The following TLE2 variants were observed in gnomAD, a reference collection of about 807,000 sequenced individuals.
TLE2 encodes the protein transducin-like enhancer protein 2.
In TLE2, 74 loss-of-function variants were observed where a neutral mutation model predicts 97.2. That is an observed-to-expected ratio of 0.76 (90% CI 0.63 to 0.92). TLE2 has a LOEUF of 0.92. TLE2 is among the 40% of genes least tolerant of loss of function. TLE2 has a pLI of 0.00. For synonymous variants in TLE2, 499 were observed against 432.1 expected (o/e 1.15, Z -1.92); for missense variants, 1,038 against 1,008.7 (o/e 1.03, Z -0.39).
At chr19:3,035,591 C>G (rs766649751) in intron 1 of TLE2, among the ~76,000 whole-genome samples, 3 of 152,028 alleles carry the variant, frequency 2.0e-5, no homozygotes, top group Non-Finnish European at 4.4e-5. Context: ...ATTGCTCAGA[C>G]CACCTTAAAT....
At chr19:3,046,896 G>A (rs1305438892), upstream of TLE2, among the ~76,000 whole-genome samples, 2 of 138,844 alleles carry the variant, frequency 1.4e-5, no homozygotes, top group Admixed American at 7.0e-5. Flanking sequence ...GCATCGCTGT[G>A]CCTCCCCCTC....
chr19:3,028,189 A>G lies in TLE2; in HGVS notation c.186+130T>C, dbSNP rs1270153897. 9 of 1,032,766 alleles carry G rather than the reference A, an allele frequency of 8.7e-6. No homozygotes were observed. In the East Asian group the frequency reaches 2.1e-4, roughly 24 times the overall value. The allele number at this position is 1,032,766 out of a possible 1,614,324, so 64.0% of individuals were successfully genotyped here. The stretch of plus-strand genomic sequence containing the variant: ...GGAGGACCCTCCTAGAGAGCCTGAA[A>G]TCCCAACCTGCCCAATGTACAGACG... On this transcript the variant is annotated intron_variant, in intron 3 of 19. Coordinates refer to ENST00000262953, the MANE Select transcript of TLE2 (RefSeq NM_003260.5).
rs2089456858 is a variant in TLE2, at chr19:3,005,601, C to T, written c.1749-17G>A. On this transcript the variant is annotated splice_polypyrimidine_tract_variant and intron_variant, in intron 16 of 19. Transcript: ENST00000262953. Reference sequence around the variant, plus strand: ...TGGAACTGCCTGGAGGGAGAAGGGCCCAGGCGTCCATCCTGGAATTCGAGC... The same window carrying T: ...TGGAACTGCCTGGAGGGAGAAGGGCTCAGGCGTCCATCCTGGAATTCGAGC... The T allele has an allele frequency of 1.2e-6, 2 of 1,612,474 alleles. No individual in the cohort carries two copies. Among genetic ancestry groups the T allele is most frequent in the Non-Finnish European group, 1.7e-6 (2 of 1,179,276 alleles).
rs769043492 is a variant in TLE2, at chr19:2,997,743, T to C, written c.*105A>G. 1.1e-4 allele frequency: 85 copies of C among 795,270 alleles called. No homozygotes were observed. The African/African-American group carries it at 1.3e-3, about 12-fold the overall frequency. The allele number at this position is 795,270 out of a possible 1,614,324, so 49.3% of individuals were successfully genotyped here. On this transcript the variant is annotated 3_prime_UTR_variant, in exon 20 of 20. Coordinates refer to ENST00000262953, the MANE Select transcript of TLE2 (RefSeq NM_003260.5). ...GCCGTTGGCCAGAGAGCAGATGGGA[T>C]GTACGGTTCCTAGGCAGGGCTGGGA...
chr19:3,000,841 T>TC (rs1555689162), intron 18 of TLE2, 118 bp from the exon 19 acceptor site: 292 of 687,738 alleles, frequency 4.2e-4, no homozygotes, highest in African/African-American at 4.1e-3. Context: ...TTTTTTTTTT[T>TC]CCAAGAAAGG....
Position 3,000,556 on chromosome 19 carries a change from G to C in TLE2, c.2124+91C>G, listed in dbSNP as rs960689374. 5 of 1,210,804 alleles carry C rather than the reference G, an allele frequency of 4.1e-6. No homozygotes were observed. In the African/African-American group the frequency reaches 7.5e-5, roughly 18 times the overall value. The allele number at this position is 1,210,804 out of a possible 1,614,324, so 75.0% of individuals were successfully genotyped here. ...GGGGTTAGGGTGGCGGGGGGACCTGGGGGACAGGGACAGGGGCAATCTCTC... is the reference window on the plus strand; with the variant it reads ...GGGGTTAGGGTGGCGGGGGGACCTGCGGGACAGGGACAGGGGCAATCTCTC... On this transcript the variant is annotated intron_variant, in intron 19 of 19. Transcript: ENST00000262953.
At position 3,006,429 on chromosome 19, in the gene TLE2, G is replaced by C. The variant is rs377481444; in HGVS notation, c.1491C>G (p.Leu497=). ...CCCACCCCGCCCTCACCAGGCAGTC[G>C]AGCTGGGCCACGGGCGTCTTGGCCC... is the stretch of plus-strand genomic sequence containing the variant. ...QPGAKTPVAQ[L]DCLNRDNYIR... The change falls in exon 15 of 20, where the codon CTC becomes CTG. Residue 497 remains leucine, a synonymous_variant. Transcript: ENST00000262953. 3 of 1,609,918 alleles carry C rather than the reference G, an allele frequency of 1.9e-6. No homozygotes were observed. The highest frequency in any genetic ancestry group is 1.7e-6 in the Non-Finnish European group (2 of 1,179,426).
Position 3,009,772 on chromosome 19 carries a change from G to A in TLE2, c.1013-70C>T, listed in dbSNP as rs117181753. 9.9e-3 allele frequency: 15,021 copies of A among 1,524,250 alleles called. 300 individuals carry two copies. Among genetic ancestry groups the A allele is most frequent in the Admixed American group, 0.069 (3,017 of 43,518 alleles). 94.4% of individuals were successfully genotyped at this position (1,524,250 alleles called of 1,614,324 possible). A position where few individuals can be genotyped will look rare whatever the true frequency, so the allele number is the denominator to read the frequency against. ...GATCCCGCCTCCCACTGCCTTGGGAGCTCCCTGGCCTTTCATTTAGAGTTT... is the reference window on the plus strand; with the variant it reads ...GATCCCGCCTCCCACTGCCTTGGGAACTCCCTGGCCTTTCATTTAGAGTTT... On this transcript the variant is annotated intron_variant, in intron 12 of 19. Coordinates refer to ENST00000262953, the MANE Select transcript of TLE2 (RefSeq NM_003260.5).
chr19:3,046,931 T>TCCCTCCCCCTCCTCCCCCTC (rs1247386481), upstream of TLE2, among the ~76,000 whole-genome samples: 1 of 71,432 alleles, frequency 1.4e-5, no homozygotes, highest in African/African-American at 6.3e-5. Context: ...CCCCCTCCTC[T>TCCCTCCCCCTCCTCCCCCTC]GCCTCCCCCT....
At chr19:3,028,547 C>G (rs778946650) in intron 2 of TLE2, among the ~76,000 whole-genome samples, 159 bp downstream of exon 2, 13 of 151,198 alleles carry the variant, frequency 8.6e-5, no homozygotes, top group Non-Finnish European at 1.9e-4. Context: ...CCAGCTCTGA[C>G]TGTCCCCAGA....
chr19:3,025,353 A>G (rs1232514693), intron 4 of TLE2: 22 of 1,235,896 alleles, frequency 1.8e-5, no homozygotes, highest in Non-Finnish European at 1.3e-5. Flanking sequence ...ACCACCCGCC[A>G]GACGCACACC....
chr19:3,025,180 T>A (rs2089920994), intron 4 of TLE2, 98 bp from the exon 5 acceptor site: 3 of 1,299,320 alleles, frequency 2.3e-6, no homozygotes, highest in Non-Finnish European at 3.2e-6. Context: ...AGCCGAAGGG[T>A]TGGGGAGGTG....
intron 1 of TLE2, among the ~76,000 whole-genome samples, chr19:3,042,885 C>CA (rs2090115137): frequency 6.6e-6 from 1 of 152,234 alleles, no homozygotes; most frequent in Non-Finnish European, 1.5e-5. Flanking sequence ...GGGACAAAGA[C>CA]AGACATTACC....
chr19:3,013,781 G>T lies in TLE2; in HGVS notation c.761C>A (p.Pro254His), dbSNP rs746239008. ...PSEPPSPATT[P>H]CGKVPICIPA... ...AATGCAGATGGGTACCTTTCCGCAG[G>T]GGGTGGTAGCCGGGCTGGGGGGCTC... Residue 254 changes from proline (P) to histidine (H), a missense_variant, in exon 11 of 20, where the codon CCC becomes CAC. Pro to His is a moderately conservative substitution (Grantham distance 77). Coordinates refer to ENST00000262953, the MANE Select transcript of TLE2 (RefSeq NM_003260.5). The T allele has an allele frequency of 6.4e-7, 1 of 1,560,304 alleles. No individual in the cohort carries two copies. The highest frequency in any genetic ancestry group is 8.6e-7 in the Non-Finnish European group (1 of 1,156,330).
At chr19:2,998,237 ATG>A (rs56398458) in intron 19 of TLE2, among the ~76,000 whole-genome samples, 4,475 of 121,320 alleles carry the variant, frequency 0.037, 120 homozygotes, top group South Asian at 0.074. Context: ...CGCCCGGCCA[ATG>A]TGTGTGTGTG....
At chr19:3,039,421 C>T (rs915265762) in intron 1 of TLE2, among the ~76,000 whole-genome samples, 2 of 152,128 alleles carry the variant, frequency 1.3e-5, no homozygotes, top group African/African-American at 2.4e-5. Context: ...TCTCCCTCTT[C>T]CTCAAACCAG....
At chr19:2,998,549 A>T (rs2089278424) in intron 19 of TLE2, among the ~76,000 whole-genome samples, 1 of 151,892 alleles carries the variant, frequency 6.6e-6, no homozygotes, top group Non-Finnish European at 1.5e-5. Flanking sequence ...AAGTGTTGAG[A>T]TTACACGCAT....
rs371891336 is a variant in TLE2, at chr19:2,997,945, G to A, written c.2135C>T (p.Ser712Leu). Residue 712 changes from serine (S) to leucine (L), a missense_variant, in exon 20 of 20, where the codon TCG (serine) becomes TTG (leucine). Coordinates refer to ENST00000262953, the MANE Select transcript of TLE2 (RefSeq NM_003260.5). Reference sequence around the variant, plus strand: ...GATGTCACAACTCAGGACTGAGGACGACTCCTTGGACTGCCAAGGGAAGGG... The same window carrying A: ...GATGTCACAACTCAGGACTGAGGACAACTCCTTGGACTGCCAAGGGAAGGG... ...YGASIFQSKE[S>L]SSVLSCDISR... 1.6e-5 allele frequency: 25 copies of A among 1,610,808 alleles called. No homozygotes were observed. The highest frequency in any genetic ancestry group is 4.4e-5 in the South Asian group (4 of 90,420).
chr19:3,000,498 TG>T, intron 19 of TLE2, 148 bp downstream of exon 19: 1 of 630,154 alleles, frequency 1.6e-6, no homozygotes, highest in Non-Finnish European at 2.7e-6. Flanking sequence ...CTTTAGTACC[TG>T]GGCGGTAGGG....
Sources: gnomAD v4.1 joint callset for allele counts (sites outside exome capture counted in the v4.1 genomes callset) on GRCh38, gnomAD v4.1.1 for gene constraint, MANE v1.5 for transcripts, NCBI Gene and HGNC (gene_info 2026-07-23, HGNC 2026-07-21) for gene names.